KCNT2: variants seen among roughly 807,000 people sequenced by gnomAD.
KCNT2 encodes the protein potassium channel subfamily T member 2.
In KCNT2, 67 loss-of-function variants were observed where a neutral mutation model predicts 153.8. The ratio of observed to expected loss-of-function variants is 0.44; its 90% CI spans 0.36 to 0.53. KCNT2 has a LOEUF of 0.53. KCNT2 is among the 20% of genes least tolerant of loss of function. The pLI, the probability that KCNT2 is intolerant of heterozygous loss-of-function variation, is 0.00. For synonymous variants in KCNT2, 500 were observed against 458.8 expected (o/e 1.09, Z -1.15); for missense variants, 975 against 1,354.8 (o/e 0.72, Z 4.40).
chr1:196,379,337 G>C, intron 13 of KCNT2, among the ~76,000 whole-genome samples: 1 of 152,062 alleles, frequency 6.6e-6, no homozygotes, highest in East Asian at 1.9e-4. Context: ...TTGGGAGCTG[G>C]AGGCGGGCAC....
At chr1:196,289,221 A>C (rs1924759) in intron 22 of KCNT2, among the ~76,000 whole-genome samples, 47,324 of 151,940 alleles carry the variant, frequency 0.31, 11,715 homozygotes, top group African/African-American at 0.69. Context: ...CATTGCAGCT[A>C]AAATATTACC....
intron 26 of KCNT2, among the ~76,000 whole-genome samples, chr1:196,252,459 C>T (rs1656060176): frequency 2.6e-5 from 4 of 151,814 alleles, no homozygotes; most frequent in Admixed American, 2.0e-4. Flanking sequence ...TAAGTTATTA[C>T]TCTCTACTCT....
chr1:196,470,901 A>G, intron 5 of KCNT2, among the ~76,000 whole-genome samples: 1 of 120,258 alleles, frequency 8.3e-6, no homozygotes, highest in East Asian at 2.4e-4. Context: ...TTTTTTTGAG[A>G]CAGAGTCTCG....
rs981399509 is a variant in KCNT2 at position 196,599,018 on chromosome 1, T to C, written c.95+9197A>G. 5.3e-5 allele frequency among the ~76,000 whole-genome samples: 8 copies of C among 152,246 alleles called. No individual in the cohort carries two copies. The East Asian group carries it at 1.5e-3, about 29-fold the overall frequency. ...AAGGTAAGAAATGGAAACAAAATACTGACAGCTTCCATCTATAATTTGCCA... is the reference window on the plus strand; with the variant it reads ...AAGGTAAGAAATGGAAACAAAATACCGACAGCTTCCATCTATAATTTGCCA... On this transcript the variant is annotated intron_variant, in intron 1 of 27. Transcript: ENST00000294725.
chr1:196,427,472 A>G (rs866322991), intron 10 of KCNT2, among the ~76,000 whole-genome samples: 53 of 152,216 alleles, frequency 3.5e-4, no homozygotes, highest in African/African-American at 1.1e-3. Flanking sequence ...TGCAGTAAGC[A>G]GGAAAGGAGA....
At chr1:196,484,560 T>C (rs1679265006) in intron 3 of KCNT2, among the ~76,000 whole-genome samples, 1 of 152,156 alleles carries the variant, frequency 6.6e-6, no homozygotes, top group African/African-American at 2.4e-5. Flanking sequence ...TTGGCTTTTG[T>C]TGCAATTGCT....
chr1:196,466,654 T>C (rs1393598141), intron 7 of KCNT2, among the ~76,000 whole-genome samples: 1 of 152,080 alleles, frequency 6.6e-6, no homozygotes, highest in African/African-American at 2.4e-5. Context: ...TATATATGTA[T>C]GTATATATAA....
chr1:196,389,312 T>C (rs1670271865), intron 13 of KCNT2, among the ~76,000 whole-genome samples: 1 of 151,782 alleles, frequency 6.6e-6, no homozygotes, highest in African/African-American at 2.4e-5. Context: ...ATGATGTCTT[T>C]GGCTTTGGCC....
chr1:196,549,617 GT>G (rs1657621148), intron 1 of KCNT2, among the ~76,000 whole-genome samples: 1 of 151,724 alleles, frequency 6.6e-6, no homozygotes, highest in Admixed American at 6.6e-5. Flanking sequence ...CTGTTGGAGT[GT>G]TTATTAAACA....
intron 11 of KCNT2, 146 bp from the exon 12 acceptor site, chr1:196,423,259 T>G: frequency 3.5e-5 from 15 of 431,434 alleles, no homozygotes; most frequent in East Asian, 7.5e-5. Context: ...AAAGTTGAAT[T>G]TCTAGCAGAT....
chr1:196,430,378 ATCTCTCTCTC>A (rs71154742), intron 8 of KCNT2, among the ~76,000 whole-genome samples: 298 of 144,596 alleles, frequency 2.1e-3, no homozygotes, highest in Non-Finnish European at 3.0e-3. Context: ...CACAAGATCG[ATCTCTCTCTC>A]TCTCTCTCTC....
chr1:196,274,739 C>T (rs1302568128), intron 25 of KCNT2, among the ~76,000 whole-genome samples: 2 of 151,768 alleles, frequency 1.3e-5, no homozygotes, highest in African/African-American at 4.8e-5. Flanking sequence ...GTACTGCATA[C>T]ACTATAAATT....
In KCNT2 at chr1:196,227,281, T is replaced by C. The variant is rs1278665230; in HGVS notation, c.*943A>G. ...GAGTCCATAAAAGGTATAAATTATCTTCTGTCAATTTTAAAAGAATTTTTC... is the reference window on the plus strand; with the variant it reads ...GAGTCCATAAAAGGTATAAATTATCCTCTGTCAATTTTAAAAGAATTTTTC... On this transcript the variant is annotated 3_prime_UTR_variant, in exon 28 of 28. Coordinates refer to ENST00000294725, the MANE Select transcript of KCNT2 (RefSeq NM_198503.5). 1 of 152,016 alleles carries C rather than the reference T, an allele frequency of 6.6e-6. No individual in the cohort carries two copies. The highest frequency in any genetic ancestry group is 1.5e-5 in the Non-Finnish European group (1 of 67,886). 9.4% of individuals were successfully genotyped at this position (152,016 alleles called of 1,614,324 possible).
intron 14 of KCNT2, among the ~76,000 whole-genome samples, 192 bp from the exon 15 acceptor site, chr1:196,342,420 C>A (rs1665731177): frequency 7.5e-6 from 1 of 132,756 alleles, no homozygotes; most frequent in African/African-American, 3.0e-5. Flanking sequence ...ATTTTGAATA[C>A]TATATATATA....
chr1:196,512,330 T>A (rs1558026826), intron 1 of KCNT2, among the ~76,000 whole-genome samples: 2 of 152,138 alleles, frequency 1.3e-5, no homozygotes, highest in Non-Finnish European at 2.9e-5. Context: ...GATTGCCAAA[T>A]TTATATTTCC....
chr1:196,517,500 T>C lies in KCNT2; in HGVS notation c.96-25159A>G, dbSNP rs533889186. 1.4e-3 allele frequency among the ~76,000 whole-genome samples: 220 copies of C among 152,090 alleles called. 1 individual carries two copies. The highest frequency in any genetic ancestry group is 3.4e-3 in the Middle Eastern group (1 of 294). ...ACCAAGATGCAGGAGAACAGCAAAGTGCAATCCAAGGAAACTAAGAATCAA... is the reference window on the plus strand; with the variant it reads ...ACCAAGATGCAGGAGAACAGCAAAGCGCAATCCAAGGAAACTAAGAATCAA... On this transcript the variant is annotated intron_variant, in intron 1 of 27. Transcript: ENST00000294725.
intron 22 of KCNT2, among the ~76,000 whole-genome samples, chr1:196,291,381 A>G (rs1484045634): frequency 6.6e-6 from 1 of 151,888 alleles, no homozygotes; most frequent in Non-Finnish European, 1.5e-5. Flanking sequence ...TTCAAAACCT[A>G]TTGACTTTAA....
chr1:196,361,275 C>A (rs1254317889), intron 14 of KCNT2, among the ~76,000 whole-genome samples: 2 of 151,856 alleles, frequency 1.3e-5, no homozygotes, highest in Non-Finnish European at 2.9e-5. Flanking sequence ...TGAGAGTTTG[C>A]CATAGATAGT....
Position 196,235,976 on chromosome 1 carries a change from A to T in KCNT2, c.3296+10T>A, listed in dbSNP as rs776270024. 6.5e-6 allele frequency: 10 copies of T among 1,531,076 alleles called. No homozygotes were observed. The South Asian group carries it at 1.1e-4, about 17-fold the overall frequency. 94.8% of individuals were successfully genotyped at this position (1,531,076 alleles called of 1,614,324 possible). ...ATATCTGTCTTATATGAGATATGAG[A>T]TCAACTTACACAACATCATTCAGCT... On this transcript the variant is annotated intron_variant, in intron 27 of 27. Coordinates refer to ENST00000294725, the MANE Select transcript of KCNT2 (RefSeq NM_198503.5).
Sources: allele counts gnomAD v4.1 joint callset (sites outside exome capture counted in the v4.1 genomes callset), GRCh38; gene constraint gnomAD v4.1.1; transcripts MANE v1.5; gene names NCBI Gene and HGNC (gene_info 2026-07-23, HGNC 2026-07-21).